The following ABCA1 variants were observed in gnomAD, a reference collection of about 807,000 sequenced individuals.
ABCA1 encodes ATP binding cassette subfamily A member 1, also known as phospholipid-transporting ATPase ABCA1.
ABCA1 carries 133 observed loss-of-function variants against 262.5 expected under a neutral mutation model. The ratio of observed to expected loss-of-function variants is 0.51; its 90% CI spans 0.44 to 0.59. ABCA1 has a LOEUF of 0.59. Ranked by LOEUF, ABCA1 falls within the 20% of genes least tolerant of loss-of-function variation. The pLI, the probability that ABCA1 is intolerant of heterozygous loss-of-function variation, is 0.00. For synonymous variants in ABCA1, 1,022 were observed against 1,043.5 expected (o/e 0.98, Z 0.40); for missense variants, 2,452 against 2,777.5 (o/e 0.88, Z 2.63).
intron 49 of ABCA1, 26 bp from the exon 50 acceptor site, chr9:104,784,481 TA>T (rs1397457600): frequency 6.2e-7 from 1 of 1,613,738 alleles, no homozygotes; most frequent in Non-Finnish European, 8.5e-7. Flanking sequence ...GATGGACCTT[TA>T]TAAATACCAC....
intron 14 of ABCA1, among the ~76,000 whole-genome samples, chr9:104,829,487 G>T (rs1833071162): frequency 6.6e-6 from 1 of 152,080 alleles, no homozygotes; most frequent in Non-Finnish European, 1.5e-5. Context: ...CATCTCCAAG[G>T]TCATCTCACT....
At chr9:104,925,684 G>A (rs995620342) in intron 1 of ABCA1, among the ~76,000 whole-genome samples, 2 of 152,064 alleles carry the variant, frequency 1.3e-5, no homozygotes, top group African/African-American at 4.8e-5. Flanking sequence ...TTATTTTAAT[G>A]GTTTGTGGAA....
chr9:104,790,394 T>C (rs1297644519), intron 44 of ABCA1, among the ~76,000 whole-genome samples: 1 of 152,204 alleles, frequency 6.6e-6, no homozygotes, highest in African/African-American at 2.4e-5. Flanking sequence ...AAATAAATTA[T>C]AGGTACATGT....
rs948001118 is a variant in ABCA1 at position 104,916,197 on chromosome 9, T to TA, written c.-93+11737dup. ...ACTATAATTAACACAATCATTAAAGTAAAAAAAAAATAAAAATAAAAACCC... is the reference window on the plus strand; with the variant it reads ...ACTATAATTAACACAATCATTAAAGTAAAAAAAAAAATAAAAATAAAAACCC... On this transcript the variant is annotated intron_variant, in intron 1 of 49. Transcript: ENST00000374736. Among the ~76,000 whole-genome samples the TA allele has an allele frequency of 2.5e-3, 381 of 149,548 alleles. 1 individual carries two copies. Among genetic ancestry groups the TA allele is most frequent in the African/African-American group, 4.5e-3 (184 of 40,812 alleles).
In ABCA1 at chr9:104,832,654, T is replaced by C. The variant is rs753353067; in HGVS notation, c.1429A>G (p.Ser477Gly). ...LAKHPEDVQS[S>G]NGSVYTWREA... ...CTCCAGGTGTACACAGAACCATTAC[T>C]GGACTGGACATCCTCTGGGTGCTTG... Residue 477 changes from serine (S) to glycine (G), a missense_variant, in exon 12 of 50, where the codon AGT becomes GGT. Ser to Gly is a moderately conservative substitution (Grantham distance 56). Transcript: ENST00000374736. 2.5e-6 allele frequency: 4 copies of C among 1,614,228 alleles called. No homozygotes were observed. Among genetic ancestry groups the C allele is most frequent in the South Asian group, 1.1e-5 (1 of 91,080 alleles).
chr9:104,832,424 G>A, intron 12 of ABCA1, 150 bp downstream of exon 12: 1 of 852,688 alleles, frequency 1.2e-6, no homozygotes, highest in Middle Eastern at 2.2e-4. Context: ...AGTGCCTTTT[G>A]TTATCAAATC....
chr9:104,852,267 A>G (rs1226407605), intron 7 of ABCA1, among the ~76,000 whole-genome samples: 1 of 152,232 alleles, frequency 6.6e-6, no homozygotes, highest in East Asian at 1.9e-4. Context: ...AGTAATTGCT[A>G]TCTCTTTCTG....
intron 2 of ABCA1, 114 bp from the exon 3 acceptor site, chr9:104,889,309 C>T (rs758272910): frequency 8.5e-5 from 131 of 1,534,052 alleles, no homozygotes; most frequent in Non-Finnish European, 1.0e-4. Context: ...TCAACTTCTC[C>T]AGTCTCTCCC....
Position 104,812,627 on chromosome 9 carries a change from A to T in ABCA1, c.3997T>A (p.Leu1333Met). 1 of 1,614,180 alleles carries T rather than the reference A, an allele frequency of 6.2e-7. No homozygotes were observed. The highest frequency in any genetic ancestry group is 8.5e-7 in the Non-Finnish European group (1 of 1,180,028). ...KLTQQQFVAL[L>M]WKRLLIARRS... ...CTGGCAATTAGCAGTCTCTTCCACA[A>T]AAGGGCCACAAACTGTTGCTGTGTA... is the stretch of plus-strand genomic sequence containing the variant. Residue 1333 changes from leucine to methionine, a missense_variant, in exon 28 of 50, where the codon TTG becomes ATG. This residue lies in a region of ABCA1 where 665 missense variants were observed against 727.3 expected (regional missense o/e 0.91). Coordinates refer to ENST00000374736, the MANE Select transcript of ABCA1 (RefSeq NM_005502.4).
chr9:104,861,424 C>G (rs1836372977), intron 6 of ABCA1: 1 of 600,184 alleles, frequency 1.7e-6, no homozygotes, highest in African/African-American at 1.9e-5. Context: ...GAAATCATCA[C>G]AAATGCCAAG....
intron 9 of ABCA1, among the ~76,000 whole-genome samples, chr9:104,839,472 CT>C: frequency 6.6e-6 from 1 of 152,254 alleles, no homozygotes; most frequent in Admixed American, 6.5e-5. Flanking sequence ...AATGAGATAA[CT>C]TAAACAGAAT....
At chr9:104,839,825 T>C (rs1010901757) in intron 9 of ABCA1, among the ~76,000 whole-genome samples, 1 of 152,232 alleles carries the variant, frequency 6.6e-6, no homozygotes, top group African/African-American at 2.4e-5. Context: ...AAATTTCAAG[T>C]ATACTATACA....
intron 18 of ABCA1, among the ~76,000 whole-genome samples, chr9:104,823,520 A>C (rs541570980): frequency 3.9e-5 from 6 of 152,296 alleles, no homozygotes; most frequent in African/African-American, 1.4e-4. Flanking sequence ...TAATTGTTTT[A>C]AAATAAAAAG....
chr9:104,845,912 G>T (rs982910862), intron 7 of ABCA1, among the ~76,000 whole-genome samples: 2 of 152,150 alleles, frequency 1.3e-5, no homozygotes, highest in Admixed American at 6.5e-5. Context: ...TGCAAGATGG[G>T]TAATACGGGA....
At chr9:104,846,908 C>G (rs936422159) in intron 7 of ABCA1, among the ~76,000 whole-genome samples, 1 of 152,192 alleles carries the variant, frequency 6.6e-6, no homozygotes, top group Admixed American at 6.5e-5. Flanking sequence ...TCTACTTTCT[C>G]TCTTTGGGTT....
At position 104,833,008 on chromosome 9, in the gene ABCA1, A is replaced by G. The variant is rs575279028; in HGVS notation, c.1312-237T>C. ...AGATGTGGAGCTGAGACTCAAAGTC[A>G]GACCAGTCTGAATTCAGAGTCCATG... is the stretch of plus-strand genomic sequence containing the variant. On this transcript the variant is annotated intron_variant, in intron 11 of 49. Transcript: ENST00000374736. Among the ~76,000 whole-genome samples, 3 of 152,358 alleles carry G rather than the reference A, an allele frequency of 2.0e-5. No homozygotes were observed. The South Asian group carries it at 6.2e-4, about 32-fold the overall frequency.
intron 8 of ABCA1, among the ~76,000 whole-genome samples, chr9:104,841,212 G>C (rs1168874882): frequency 6.6e-6 from 1 of 152,100 alleles, no homozygotes; most frequent in East Asian, 1.9e-4. Flanking sequence ...GAGGCGGGTG[G>C]ATCACCTGAG....
Position 104,821,499 on chromosome 9 carries a change from G to A in ABCA1, c.2836C>T (p.Leu946=). 2 of 1,613,922 alleles carry A rather than the reference G, an allele frequency of 1.2e-6. No homozygotes were observed. Among genetic ancestry groups the A allele is most frequent in the Middle Eastern group, 1.7e-4 (1 of 5,872 alleles). The change falls in exon 20 of 50, where the codon CTG becomes TTG. Residue 946 remains leucine (L), a synonymous_variant. Transcript: ENST00000374736. Reference sequence around the variant, plus strand: ...GAGGTCGGGGGGAACAACCCGGTCAGGATTGACCTGAGGACAAAAATTTAG... The same window carrying A: ...GAGGTCGGGGGGAACAACCCGGTCAAGATTGACCTGAGGACAAAAATTTAG... ...GAGKTTTMSI[L]TGLFPPTSGT...
chr9:104,793,946 A>G (rs1366090524), intron 40 of ABCA1, among the ~76,000 whole-genome samples: 1 of 152,236 alleles, frequency 6.6e-6, no homozygotes, highest in East Asian at 1.9e-4. Flanking sequence ...GTAATACATT[A>G]TAATTTTATA....
Sources: allele counts gnomAD v4.1 joint callset (sites outside exome capture counted in the v4.1 genomes callset), GRCh38; gene constraint gnomAD v4.1.1; regional missense constraint gnomAD v4.1.1; transcripts MANE v1.5; gene names NCBI Gene and HGNC (gene_info 2026-07-23, HGNC 2026-07-21).